Variants in FAM135A observed in about 807,000 individuals in gnomAD.
FAM135A encodes the protein protein FAM135A.
FAM135A carries 79 observed loss-of-function variants against 146.8 expected under a neutral mutation model. The observed-to-expected ratio is 0.54, with a 90% confidence interval of 0.45 to 0.65. FAM135A has a LOEUF of 0.65. FAM135A is among the 30% of genes least tolerant of loss of function. FAM135A has a pLI of 0.00. For synonymous variants in FAM135A, 562 were observed against 603.6 expected (o/e 0.93, Z 1.01); for missense variants, 1,623 against 1,758.2 (o/e 0.92, Z 1.38).
intron 10 of FAM135A, among the ~76,000 whole-genome samples, chr6:70,489,394 C>T (rs184087552): frequency 1.4e-5 from 2 of 144,012 alleles, no homozygotes; most frequent in East Asian, 2.0e-4. Context: ...TATCTAAATA[C>T]AATTTACTTG....
At chr6:70,449,032 T>G (rs1208749044) in intron 4 of FAM135A, among the ~76,000 whole-genome samples, 1 of 152,220 alleles carries the variant, frequency 6.6e-6, no homozygotes, top group Non-Finnish European at 1.5e-5. Context: ...GGCCAGATTT[T>G]GGGAGGCCTG....
chr6:70,421,884 A>C lies in FAM135A; in HGVS notation c.-133-4555A>C, dbSNP rs908772916. Among the ~76,000 whole-genome samples, 50 of 152,230 alleles carry C rather than the reference A, an allele frequency of 3.3e-4. 1 individual carries two copies. Among genetic ancestry groups the C allele is most frequent in the Non-Finnish European group, 1.3e-4 (9 of 68,030 alleles). On this transcript the variant is annotated intron_variant, in intron 2 of 21. Coordinates refer to ENST00000418814, the MANE Select transcript of FAM135A (RefSeq NM_001162529.3). The stretch of plus-strand genomic sequence containing the variant: ...AGCCAGCAGACTGTGCAGGAGGGTC[A>C]TGAAACTCTTAGCTTCTTGTAGATA...
In FAM135A at chr6:70,524,879, G is replaced by T; in HGVS notation, c.1795G>T (p.Asp599Tyr). 6.2e-7 allele frequency: 1 copy of T among 1,612,280 alleles called. No individual in the cohort carries two copies. The highest frequency in any genetic ancestry group is 8.5e-7 in the Non-Finnish European group (1 of 1,179,058). The part of the protein sequence containing the change: ...DIENVQPDQF[D>Y]PLNSGNLNLC... ...TGAAAATGTTCAACCAGACCAGTTT[G>T]ATCCTTTGAACTCTGGCAACCTAAA... The change falls in exon 15 of 22, where the codon GAT becomes TAT. Residue 599 changes from aspartate to tyrosine, a missense_variant. Asp to Tyr is a radical substitution (Grantham distance 160). Around this residue, in one of 7 missense-constraint regions of FAM135A, gnomAD observed 1,061 missense variants for 1,113.8 expected, o/e 0.95. Transcript: ENST00000418814.
intron 5 of FAM135A, among the ~76,000 whole-genome samples, chr6:70,455,102 A>C (rs957489769): frequency 3.3e-5 from 5 of 151,852 alleles, no homozygotes; most frequent in Admixed American, 6.6e-5. Flanking sequence ...TCTTTTATTT[A>C]GTTGAGCAGT....
At chr6:70,551,568 A>C (rs1799841194) in intron 20 of FAM135A, among the ~76,000 whole-genome samples, 1 of 152,222 alleles carries the variant, frequency 6.6e-6, no homozygotes, top group Non-Finnish European at 1.5e-5. Context: ...TCATGATTGC[A>C]CCACTGCACT....
At chr6:70,502,943 A>T in intron 12 of FAM135A, 152 bp downstream of exon 12, 1 of 768,216 alleles carries the variant, frequency 1.3e-6, no homozygotes, top group Non-Finnish European at 2.0e-6. Context: ...TCCAAAATTA[A>T]TAATAGAATA....
rs1366535664 is a variant in FAM135A at position 70,526,490 on chromosome 6, G to A, written c.3406G>A (p.Asp1136Asn). 1.9e-6 allele frequency: 3 copies of A among 1,613,388 alleles called. No individual in the cohort carries two copies. Among genetic ancestry groups the A allele is most frequent in the Non-Finnish European group, 2.5e-6 (3 of 1,179,652 alleles). Residue 1136 changes from aspartate to asparagine, a missense_variant, in exon 15 of 22, where the codon GAC becomes AAC. By Grantham distance (23) the Asp-to-Asn change is conservative. Transcript: ENST00000418814. ...RLTKSEKINSDYLRDGINMPT... is the reference protein window; with the variant it reads ...RLTKSEKINSNYLRDGINMPT... The stretch of plus-strand genomic sequence containing the variant: ...TACAAAATCTGAAAAAATAAACAGT[G>A]ACTATCTGAGAGATGGTATAAACAT...
At chr6:70,547,954 A>T (rs972679440) in intron 20 of FAM135A, among the ~76,000 whole-genome samples, 4 of 152,188 alleles carry the variant, frequency 2.6e-5, no homozygotes, top group African/African-American at 9.7e-5. Flanking sequence ...GGGCTCAGTG[A>T]AGTATTCACC....
rs539837712 is a variant in FAM135A, at chr6:70,422,632, T to C, written c.-133-3807T>C. 1.1e-4 allele frequency among the ~76,000 whole-genome samples: 17 copies of C among 152,352 alleles called. No individual in the cohort carries two copies. The East Asian group carries it at 2.7e-3, about 24-fold the overall frequency. ...AAACTGCAAACAGGCCTTGAACTTA[T>C]ACTGATAAAGGAATTTTATCACCAA... On this transcript the variant is annotated intron_variant, in intron 2 of 21. Coordinates refer to ENST00000418814, the MANE Select transcript of FAM135A (RefSeq NM_001162529.3).
intron 4 of FAM135A, among the ~76,000 whole-genome samples, chr6:70,442,147 G>C (rs1266685701): frequency 1.3e-5 from 2 of 150,584 alleles, no homozygotes; most frequent in African/African-American, 4.9e-5. Context: ...CTTACTTTAT[G>C]TATGTGTGTG....
Position 70,522,558 on chromosome 6 carries a change from G to A in FAM135A, c.1075G>A (p.Glu359Lys). Residue 359 changes from glutamate (E) to lysine (K), a missense_variant, in exon 13 of 22, where the codon GAA becomes AAA. Physicochemically the swap from Glu to Lys is moderately conservative, Grantham distance 56. Around this residue, in one of 7 missense-constraint regions of FAM135A, gnomAD observed 23 missense variants for 47.7 expected, o/e 0.48. Transcript: ENST00000418814. Reference sequence around the variant, plus strand: ...ATTCTTTTGTTTTGAGCATCCAAGAGAAGCTGCCATTGCATACCAGGAACT... The same window carrying A: ...ATTCTTTTGTTTTGAGCATCCAAGAAAAGCTGCCATTGCATACCAGGAACT... ...EAFFCFEHPR[E>K]AAIAYQELHA... 6.2e-7 allele frequency: 1 copy of A among 1,613,764 alleles called. No homozygotes were observed. Among genetic ancestry groups the A allele is most frequent in the South Asian group, 1.1e-5 (1 of 91,034 alleles).
chr6:70,487,247 ACT>A (rs1784870871), intron 10 of FAM135A, among the ~76,000 whole-genome samples: 1 of 151,884 alleles, frequency 6.6e-6, no homozygotes, highest in Non-Finnish European at 1.5e-5. Context: ...TCAAATCACC[ACT>A]CTCTGGATAT....
intron 4 of FAM135A, among the ~76,000 whole-genome samples, chr6:70,449,725 G>A (rs1776629112): frequency 6.6e-6 from 1 of 152,062 alleles, no homozygotes; most frequent in Admixed American, 6.6e-5. Context: ...AGTGAACATG[G>A]GAGGGCAGAT....
At chr6:70,546,840 A>C (rs1223604252) in intron 20 of FAM135A, among the ~76,000 whole-genome samples, 2 of 152,234 alleles carry the variant, frequency 1.3e-5, no homozygotes, top group Admixed American at 6.5e-5. Context: ...TGCAGGTGGC[A>C]TACAAGCATC....
Position 70,448,506 on chromosome 6 carries a change from G to A in FAM135A, c.78-3986G>A, listed in dbSNP as rs547870673. On this transcript the variant is annotated intron_variant, in intron 4 of 21. Transcript: ENST00000418814. ...TTCCACGTTCTCCAACCGTCGCTCC[G>A]GTGACCCTTCGACCTGGATTCGAGC... Among the ~76,000 whole-genome samples, 427 of 152,176 alleles carry A rather than the reference G, an allele frequency of 2.8e-3. 1 individual carries two copies. The highest frequency in any genetic ancestry group is 5.0e-3 in the South Asian group (24 of 4,818).
intron 4 of FAM135A, among the ~76,000 whole-genome samples, chr6:70,444,121 T>C (rs576148652): frequency 2.6e-5 from 4 of 152,198 alleles, no homozygotes; most frequent in African/African-American, 9.7e-5. Context: ...TTTAAATTTT[T>C]GGGCTGGGTG....
chr6:70,487,711 CTG>C (rs537010445), intron 10 of FAM135A, among the ~76,000 whole-genome samples: 58 of 152,220 alleles, frequency 3.8e-4, no homozygotes, highest in African/African-American at 1.2e-3. Flanking sequence ...TAGTATGAAA[CTG>C]TGGCCATTTA....
chr6:70,468,252 A>G (rs1411648034), intron 5 of FAM135A, among the ~76,000 whole-genome samples: 3 of 152,200 alleles, frequency 2.0e-5, no homozygotes, highest in Non-Finnish European at 4.4e-5. Flanking sequence ...GTTTAAAAAG[A>G]CCATCTTTTT....
chr6:70,416,374 C>G (rs1037474240), intron 2 of FAM135A, among the ~76,000 whole-genome samples: 2 of 152,052 alleles, frequency 1.3e-5, no homozygotes, highest in African/African-American at 2.4e-5. Context: ...CCTTAATTTT[C>G]TGTTTTATAT....
Sources: allele counts gnomAD v4.1 joint callset (sites outside exome capture counted in the v4.1 genomes callset), GRCh38; gene constraint gnomAD v4.1.1; regional missense constraint gnomAD v4.1.1; transcripts MANE v1.5; gene names NCBI Gene and HGNC (gene_info 2026-07-23, HGNC 2026-07-21).